PDCL2: variants seen among roughly 807,000 people sequenced by gnomAD.
PDCL2 encodes the protein phosducin-like protein 2.
PDCL2 carries 23 observed loss-of-function variants against 30.3 expected under a neutral mutation model. That is an observed-to-expected ratio of 0.76 (90% CI 0.55 to 1.08). PDCL2 has a LOEUF of 1.08. Among genes scored for constraint, PDCL2 ranks in the 50% least tolerant of loss-of-function variants. The pLI is 0.00. For missense variants in PDCL2, 243 were observed against 282.3 expected (o/e 0.86, Z 1.00); for synonymous variants, 68 against 86.2 (o/e 0.79, Z 1.17).
At chr4:55,588,866 T>TTC (rs932917740) in intron 1 of PDCL2, among the ~76,000 whole-genome samples, 1 of 9,074 alleles carries the variant, frequency 1.1e-4, no homozygotes, top group African/African-American at 8.9e-4. Context: ...TTATAAGTAC[T>TTC]TTTTTTTTTT....
intron 1 of PDCL2, among the ~76,000 whole-genome samples, chr4:55,591,303 A>G (rs1043680066): frequency 6.6e-6 from 1 of 151,450 alleles, no homozygotes; most frequent in Non-Finnish European, 1.5e-5. Flanking sequence ...AAAAAAAAAA[A>G]GGACGGCACA....
chr4:55,573,043 C>G (rs910844527), intron 3 of PDCL2, among the ~76,000 whole-genome samples: 2 of 152,168 alleles, frequency 1.3e-5, no homozygotes, highest in Non-Finnish European at 2.9e-5. Context: ...CAGGCATGAG[C>G]CACCGCGCCC....
intron 4 of PDCL2, among the ~76,000 whole-genome samples, chr4:55,565,072 C>T (rs1459532791): frequency 2.6e-5 from 4 of 152,194 alleles, no homozygotes; most frequent in African/African-American, 9.6e-5. Context: ...CTGAACTCTG[C>T]TATGATACAC....
chr4:55,584,067 T>G (rs1293331777), intron 1 of PDCL2, among the ~76,000 whole-genome samples: 1 of 152,214 alleles, frequency 6.6e-6, no homozygotes. Context: ...ATTTGTGTCT[T>G]CTTCAATTTC....
chr4:55,587,955 T>C (rs1252174129), intron 1 of PDCL2, among the ~76,000 whole-genome samples: 2 of 152,234 alleles, frequency 1.3e-5, no homozygotes, highest in African/African-American at 2.4e-5. Flanking sequence ...CCTGTGCTTT[T>C]GGTGTCATAA....
intron 5 of PDCL2, among the ~76,000 whole-genome samples, chr4:55,561,489 G>A (rs1732136308): frequency 6.6e-6 from 1 of 152,072 alleles, no homozygotes; most frequent in Non-Finnish European, 1.5e-5. Flanking sequence ...GCTTGAACCA[G>A]GGAGGCAGAG....
intron 3 of PDCL2, among the ~76,000 whole-genome samples, chr4:55,575,482 A>T (rs1029298970): frequency 5.9e-5 from 9 of 152,228 alleles, no homozygotes; most frequent in Non-Finnish European, 1.2e-4. Context: ...GAGAGAAAAG[A>T]AGCATAAAGG....
intron 1 of PDCL2, among the ~76,000 whole-genome samples, chr4:55,590,633 T>A (rs1051473695): frequency 6.7e-6 from 1 of 150,074 alleles, no homozygotes. Context: ...ACTACAGGTA[T>A]GTGCCACAAT....
intron 2 of PDCL2, 119 bp from the exon 3 acceptor site, chr4:55,581,030 G>C: frequency 1.6e-6 from 1 of 643,608 alleles, no homozygotes; most frequent in Non-Finnish European, 2.4e-6. Flanking sequence ...AAACAGCCGG[G>C]TGCGATGGAA....
At chr4:55,578,182 C>G (rs1732620096) in intron 3 of PDCL2, among the ~76,000 whole-genome samples, 2 of 151,834 alleles carry the variant, frequency 1.3e-5, no homozygotes, top group African/African-American at 4.8e-5. Flanking sequence ...TCTCTGATAG[C>G]TGCCTGAGCC....
At chr4:55,562,747 G>C in intron 4 of PDCL2, 135 bp from the exon 5 acceptor site, 1 of 571,450 alleles carries the variant, frequency 1.7e-6, no homozygotes. Flanking sequence ...ATCCTCTATT[G>C]TTACCTTTAG....
Position 55,586,107 on chromosome 4 carries a change from C to T in PDCL2, c.7-3870G>A, listed in dbSNP as rs1234365679. Among the ~76,000 whole-genome samples, 5 of 152,160 alleles carry T rather than the reference C, an allele frequency of 3.3e-5. No homozygotes were observed. The East Asian group carries it at 5.8e-4, about 18-fold the overall frequency. ...TTTGTTTTAGGCATTTATTGCTATG[C>T]ATTTCCCTCTTAAATCTGCTTCTGC... On this transcript the variant is annotated intron_variant, in intron 1 of 5. Transcript: ENST00000295645.
chr4:55,561,161 G>T (rs1025705631), intron 5 of PDCL2, among the ~76,000 whole-genome samples: 3 of 151,954 alleles, frequency 2.0e-5, no homozygotes. Flanking sequence ...ACAAGGAAAG[G>T]CCTTAGAAGA....
At chr4:55,568,284 G>C (rs2110156667) in intron 4 of PDCL2, among the ~76,000 whole-genome samples, 1 of 152,318 alleles carries the variant, frequency 6.6e-6, no homozygotes, top group East Asian at 1.9e-4. Flanking sequence ...ACATTCAAAA[G>C]TCTACTTTCC....
At chr4:55,571,231 G>A (rs147087172) in intron 3 of PDCL2, among the ~76,000 whole-genome samples, 1 of 151,966 alleles carries the variant, frequency 6.6e-6, no homozygotes, top group Non-Finnish European at 1.5e-5. Context: ...CTTTCCCCTT[G>A]CTCCTTCTGA....
At chr4:55,577,032 G>A (rs1012109963) in intron 3 of PDCL2, among the ~76,000 whole-genome samples, 40 of 152,022 alleles carry the variant, frequency 2.6e-4, no homozygotes, top group African/African-American at 9.2e-4. Flanking sequence ...CGAGTAGGTG[G>A]GATTACAGGT....
chr4:55,590,641 A>G (rs1330621173), intron 1 of PDCL2, among the ~76,000 whole-genome samples: 1 of 145,334 alleles, frequency 6.9e-6, no homozygotes, highest in Non-Finnish European at 1.5e-5. Context: ...TATGTGCCAC[A>G]ATGTCCAGCT....
At chr4:55,583,836 T>C (rs1732788940) in intron 1 of PDCL2, among the ~76,000 whole-genome samples, 1 of 152,252 alleles carries the variant, frequency 6.6e-6, no homozygotes, top group Non-Finnish European at 1.5e-5. Flanking sequence ...AGTCAGGTAA[T>C]GTGATGCCTC....
At chr4:55,583,224 C>T (rs1468022839) in intron 1 of PDCL2, among the ~76,000 whole-genome samples, 1 of 152,158 alleles carries the variant, frequency 6.6e-6, no homozygotes, top group Non-Finnish European at 1.5e-5. Flanking sequence ...CCTCCTCAGC[C>T]TTCCAAACTG....
Sources: gnomAD v4.1 joint callset for allele counts (sites outside exome capture counted in the v4.1 genomes callset) on GRCh38, gnomAD v4.1.1 for gene constraint, MANE v1.5 for transcripts, NCBI Gene and HGNC (gene_info 2026-07-23, HGNC 2026-07-21) for gene names.